TAF1B: variants seen among roughly 807,000 people sequenced by gnomAD.
TAF1B encodes the protein TATA-box binding protein associated factor, RNA polymerase I subunit B, also known as TATA box-binding protein-associated factor RNA polymerase I subunit B.
TAF1B carries 61 observed loss-of-function variants against 83.9 expected under a neutral mutation model. The ratio of observed to expected loss-of-function variants is 0.73; its 90% confidence interval spans 0.59 to 0.90. TAF1B has a LOEUF of 0.90. TAF1B is among the 40% of genes least tolerant of loss of function. TAF1B has a pLI of 0.00. For synonymous variants in TAF1B, 221 were observed against 224.6 expected, an observed-to-expected ratio of 0.98 and a Z score of 0.14; for missense variants, 625 against 677.0, an observed-to-expected ratio of 0.92 and a Z score of 0.85.
At chr2:9,926,151 C>G (rs2125183795) in intron 14 of TAF1B, among the ~76,000 whole-genome samples, 1 of 152,226 alleles carries the variant, frequency 6.6e-6, no homozygotes, top group South Asian at 2.1e-4. Context: ...TATTTGGAAA[C>G]AGATCTCAAA....
At chr2:9,930,488 T>C (rs1173603799) in intron 14 of TAF1B, among the ~76,000 whole-genome samples, 1 of 152,256 alleles carries the variant, frequency 6.6e-6, no homozygotes, top group Non-Finnish European at 1.5e-5. Flanking sequence ...AGTGAGTTTC[T>C]TAATCCTGAG....
In TAF1B at chr2:9,846,193, C is replaced by T. The variant is rs186778899; in HGVS notation, c.117+875C>T. The T allele has an allele frequency of 1.5e-3, 674 of 456,760 alleles. 4 individuals are homozygous for T. The highest frequency in any genetic ancestry group is 2.1e-3 in the Non-Finnish European group (459 of 221,788). The allele number at this position is 456,760 out of a possible 1,614,324, so 28.3% of individuals were successfully genotyped here. A position where few individuals can be genotyped will look rare whatever the true frequency, so the allele number is the denominator to read the frequency against. Reference sequence around the variant, plus strand: ...CAAGTACCAGGACTTGAATGTGAGTCTTCTGACTTCAGTGTTCATTTTACC... The same window carrying T: ...CAAGTACCAGGACTTGAATGTGAGTTTTCTGACTTCAGTGTTCATTTTACC... On this transcript the variant is annotated intron_variant, in intron 2 of 14. Coordinates refer to ENST00000263663, the MANE Select transcript of TAF1B (RefSeq NM_005680.3).
chr2:9,851,741 A>C (rs762921777), intron 4 of TAF1B, 103 bp downstream of exon 4: 19 of 872,308 alleles, frequency 2.2e-5, no homozygotes, highest in Non-Finnish European at 3.3e-5. Context: ...CACTAGGGCT[A>C]CTGGAAGAAT....
At chr2:9,855,002 GT>G (rs79779900) in intron 5 of TAF1B, among the ~76,000 whole-genome samples, 36,694 of 151,256 alleles carry the variant, frequency 0.24, 5,000 homozygotes, top group East Asian at 0.31. Context: ...CATTTGTTTG[GT>G]TTTTTTTTGA....
chr2:9,870,466 G>A (rs778842425), intron 6 of TAF1B, among the ~76,000 whole-genome samples: 2 of 152,124 alleles, frequency 1.3e-5, no homozygotes, highest in African/African-American at 2.4e-5. Context: ...TAGCCCGGCC[G>A]ACGGAGCAAA....
rs1258199462 is a variant in TAF1B at position 9,860,394 on chromosome 2, T to C, written c.399+5973T>C. ...TAACATACGCCATTATTTTAAGTAC[T>C]GCTAAGAAAGAAAAGAGTGCTACAA... is the stretch of plus-strand genomic sequence containing the variant. On this transcript the variant is annotated intron_variant, in intron 5 of 14. Coordinates refer to ENST00000263663, the MANE Select transcript of TAF1B (RefSeq NM_005680.3). Among the ~76,000 whole-genome samples, 4 of 152,244 alleles carry C rather than the reference T, an allele frequency of 2.6e-5. No homozygotes were observed. In the East Asian group the frequency reaches 7.7e-4, roughly 29 times the overall value.
intron 6 of TAF1B, chr2:9,868,868 A>G (rs1237482328): frequency 2.9e-6 from 1 of 345,192 alleles, no homozygotes; most frequent in Non-Finnish European, 5.6e-6. Flanking sequence ...TGTGTGTTTT[A>G]CTTTCTGATA....
intron 8 of TAF1B, among the ~76,000 whole-genome samples, chr2:9,894,773 G>A (rs1307879308): frequency 6.6e-6 from 1 of 152,130 alleles, no homozygotes; most frequent in Non-Finnish European, 1.5e-5. Context: ...ACTAAACCGA[G>A]TAACGGCAGA....
At chr2:9,888,790 G>GGTTT (rs753209727) in intron 8 of TAF1B, among the ~76,000 whole-genome samples, 11 of 81,666 alleles carry the variant, frequency 1.3e-4, no homozygotes, top group Non-Finnish European at 1.5e-4. Context: ...CTTCTGCTTG[G>GGTTT]TTTTTTTTTT....
At chr2:9,857,763 T>C (rs1484915100) in intron 5 of TAF1B, among the ~76,000 whole-genome samples, 1 of 152,144 alleles carries the variant, frequency 6.6e-6, no homozygotes, top group Non-Finnish European at 1.5e-5. Flanking sequence ...AGCAAGCCCA[T>C]GCAGGGGGAA....
In TAF1B at chr2:9,846,239, G is replaced by A. The variant is rs1385505285; in HGVS notation, c.117+921G>A. ...TTACCCATCACACCTGCCTCTTAAA[G>A]TAGAGATTGTCATATTGTCCTGTGT... On this transcript the variant is annotated intron_variant, in intron 2 of 14. Transcript: ENST00000263663. 13 of 403,480 alleles carry A rather than the reference G, an allele frequency of 3.2e-5. No individual in the cohort carries two copies. The Admixed American group carries it at 3.9e-4, about 12-fold the overall frequency. The allele number at this position is 403,480 out of a possible 1,614,324, so 25.0% of individuals were successfully genotyped here.
chr2:9,913,881 C>T (rs953480763), intron 12 of TAF1B, among the ~76,000 whole-genome samples: 12 of 152,162 alleles, frequency 7.9e-5, no homozygotes, highest in South Asian at 2.1e-4. Flanking sequence ...TAACCTTTTG[C>T]TGAGTCTGAG....
chr2:9,916,834 G>GTTGTTTTTTTTTTTTTTTTTTTTTTTTT (rs1572282272), intron 12 of TAF1B, among the ~76,000 whole-genome samples: 3 of 44,866 alleles, frequency 6.7e-5, no homozygotes, highest in African/African-American at 1.4e-4. Context: ...TTTCCTTTCT[G>GTTGTTTTTTTTTTTTTTTTTTTTTTTTT]TTCTTTTTTT....
Position 9,881,538 on chromosome 2 carries a change from GT to G in TAF1B, c.708-1166del, listed in dbSNP as rs528052697. Among the ~76,000 whole-genome samples, 604 of 152,030 alleles carry G rather than the reference GT, an allele frequency of 4.0e-3. 5 individuals carry two copies. Among genetic ancestry groups the G allele is most frequent in the African/African-American group, 0.014 (575 of 41,450 alleles). ...GCAAGACCCCCATTTCTCATTCTCA[GT>G]TCTCCTTTATTTTTCTCCTTAACAT... On this transcript the variant is annotated intron_variant, in intron 7 of 14. Coordinates refer to ENST00000263663, the MANE Select transcript of TAF1B (RefSeq NM_005680.3).
chr2:9,872,441 A>G (rs979468864), intron 6 of TAF1B, among the ~76,000 whole-genome samples: 3 of 152,120 alleles, frequency 2.0e-5, no homozygotes, highest in African/African-American at 7.2e-5. Context: ...AGTTTCTCCA[A>G]TTCCTGAGCC....
chr2:9,892,759 AT>A (rs34479526), intron 8 of TAF1B, among the ~76,000 whole-genome samples: 42,440 of 151,814 alleles, frequency 0.28, 6,915 homozygotes, highest in Middle Eastern at 0.4. Context: ...ATTGATTTTG[AT>A]TTTTTTTGGA....
chr2:9,913,354 C>CT (rs1218355018), intron 12 of TAF1B, 105 bp downstream of exon 12: 43 of 842,332 alleles, frequency 5.1e-5, no homozygotes, highest in Admixed American at 1.3e-4. Context: ...TACATTGTGA[C>CT]TTTTTTTTCT....
chr2:9,933,497 G>T (rs1471672541), intron 14 of TAF1B, among the ~76,000 whole-genome samples: 1 of 152,202 alleles, frequency 6.6e-6, no homozygotes. Flanking sequence ...TAAGAAAGTG[G>T]AGTGGTGGCC....
chr2:9,923,994 T>C (rs1665961476), intron 14 of TAF1B, among the ~76,000 whole-genome samples: 1 of 151,488 alleles, frequency 6.6e-6, no homozygotes, highest in South Asian at 2.1e-4. Context: ...GGATTGTGGA[T>C]TATCTCAGAT....
Sources: allele counts gnomAD v4.1 joint callset (sites outside exome capture counted in the v4.1 genomes callset), GRCh38; gene constraint gnomAD v4.1.1; transcripts MANE v1.5; gene names NCBI Gene and HGNC (gene_info 2026-07-23, HGNC 2026-07-21).